Variants in EEF1AKMT1 observed in about 807,000 individuals in gnomAD.
EEF1AKMT1 encodes N-6 adenine-specific DNA methyltransferase 2 (putative).
EEF1AKMT1 carries 18 observed loss-of-function variants against 21.0 expected under a neutral mutation model. The observed-to-expected ratio is 0.86, with a 90% CI of 0.59 to 1.27. The LOEUF is 1.27. Among genes scored for constraint, EEF1AKMT1 ranks in the 50% most tolerant of loss-of-function variants. The probability of loss-of-function intolerance (pLI) is 0.00; values close to 1 mark genes in which losing one functional copy is unlikely to be tolerated. For missense variants in EEF1AKMT1, 246 were observed against 258.6 expected, an observed-to-expected ratio of 0.95 and a Z score of 0.33; for synonymous variants, 109 against 94.8, an observed-to-expected ratio of 1.15 and a Z score of -0.87.
In EEF1AKMT1 at chr13:20,739,339, C is replaced by G. The variant is rs376102799; in HGVS notation, c.145-1534G>C. Among the ~76,000 whole-genome samples, 36 of 152,302 alleles carry G rather than the reference C, an allele frequency of 2.4e-4. No individual in the cohort carries two copies. The East Asian group carries it at 4.6e-3, about 20-fold the overall frequency. On this transcript the variant is annotated intron_variant, in intron 2 of 4. Transcript: ENST00000382758. ...AAACCTTCCACAGCATGGAAGGCAA[C>G]CCAAGAGGGTTGCCGCCGCTAAGCA...
intron 2 of EEF1AKMT1, among the ~76,000 whole-genome samples, chr13:20,755,411 A>G (rs1408859442): frequency 6.6e-6 from 1 of 152,210 alleles, no homozygotes; most frequent in African/African-American, 2.4e-5. Context: ...GCAGTTCCCT[A>G]TGTTTGCCTC....
Position 20,729,032 on chromosome 13 carries a change from AAG to A in EEF1AKMT1, c.*46_*47del, listed in dbSNP as rs1199248853. On this transcript the variant is annotated 3_prime_UTR_variant, in exon 5 of 5. Coordinates refer to ENST00000382758, the MANE Select transcript of EEF1AKMT1 (RefSeq NM_001318939.2). Reference sequence around the variant, plus strand: ...TTTAAATCTACTACGAAAATACAAAAAGAGGAATGTGACAGGGTTCCTTCCTG... The same window carrying A: ...TTTAAATCTACTACGAAAATACAAAAAGGAATGTGACAGGGTTCCTTCCTG... 1 of 1,609,072 alleles carries A rather than the reference AAG, an allele frequency of 6.2e-7. No homozygotes were observed.
intron 2 of EEF1AKMT1, among the ~76,000 whole-genome samples, chr13:20,748,477 A>G (rs1390895604): frequency 6.6e-6 from 1 of 151,914 alleles, no homozygotes; most frequent in Non-Finnish European, 1.5e-5. Flanking sequence ...CTTATAAAGA[A>G]AAACAATAGT....
At chr13:20,758,614 G>A (rs2058983276) in intron 1 of EEF1AKMT1, among the ~76,000 whole-genome samples, 1 of 152,060 alleles carries the variant, frequency 6.6e-6, no homozygotes, top group Admixed American at 6.5e-5. Context: ...GCAATCTACA[G>A]ATTCAATACA....
intron 2 of EEF1AKMT1, among the ~76,000 whole-genome samples, chr13:20,744,793 C>T (rs1427062650): frequency 7.7e-6 from 1 of 130,268 alleles, no homozygotes; most frequent in Non-Finnish European, 1.7e-5. Context: ...CCTAGGTTTT[C>T]CTCTAGGGTT....
chr13:20,735,677 C>A (rs1480453476), intron 3 of EEF1AKMT1, among the ~76,000 whole-genome samples: 1 of 152,160 alleles, frequency 6.6e-6, no homozygotes, highest in African/African-American at 2.4e-5. Flanking sequence ...AGTGCCCCAC[C>A]CTTCAATGTC....
In EEF1AKMT1 at chr13:20,737,763, G is replaced by A. The variant is rs1566528494; in HGVS notation, c.187C>T (p.Leu63=). ...FWYSQETALQ[L]AQEAIAAVGE... is the part of the protein sequence containing the mutation. ...ACAGCTGCAATTGCCTCCTGTGCCA[G>A]CTGCAGAGCAGTTTCCTGACTATAC... is the stretch of plus-strand genomic sequence containing the variant. The change falls in exon 3 of 5, where the codon CTG becomes TTG. Residue 63 remains leucine, a synonymous_variant. Coordinates refer to ENST00000382758, the MANE Select transcript of EEF1AKMT1 (RefSeq NM_001318939.2). 2 of 1,613,036 alleles carry A rather than the reference G, an allele frequency of 1.2e-6. No homozygotes were observed.
intron 1 of EEF1AKMT1, among the ~76,000 whole-genome samples, chr13:20,760,855 G>T (rs1269381975): frequency 6.6e-6 from 1 of 152,106 alleles, no homozygotes; most frequent in Non-Finnish European, 1.5e-5. Flanking sequence ...TTTTGGAAAA[G>T]AATCTGATAA....
At chr13:20,750,805 C>G (rs113508826) in intron 2 of EEF1AKMT1, among the ~76,000 whole-genome samples, 1 of 152,298 alleles carries the variant, frequency 6.6e-6, no homozygotes, top group South Asian at 2.1e-4. Context: ...TTCCCACCAA[C>G]GGTGTATAAG....
chr13:20,768,806 G>A (rs1026986642), intron 1 of EEF1AKMT1: 6 of 152,280 alleles, frequency 3.9e-5, no homozygotes, highest in African/African-American at 1.4e-4. Flanking sequence ...CCCCTGACAA[G>A]CAGCTATGCA....
At chr13:20,733,144 G>A (rs1239485069) in intron 3 of EEF1AKMT1, among the ~76,000 whole-genome samples, 1 of 144,438 alleles carries the variant, frequency 6.9e-6, no homozygotes, top group African/African-American at 2.6e-5. Flanking sequence ...TGCCCAGGCT[G>A]GAGTGCAGTG....
chr13:20,763,596 G>A (rs1326254127), intron 1 of EEF1AKMT1, among the ~76,000 whole-genome samples: 1 of 151,978 alleles, frequency 6.6e-6, no homozygotes, highest in African/African-American at 2.4e-5. Flanking sequence ...GGGATTACAG[G>A]TGCCTACCAC....
chr13:20,739,881 A>C (rs2141417605), intron 2 of EEF1AKMT1, among the ~76,000 whole-genome samples: 1 of 152,396 alleles, frequency 6.6e-6, no homozygotes, highest in Non-Finnish European at 1.5e-5. Context: ...TAGTGGATCC[A>C]GCACTGGGGC....
At chr13:20,750,899 C>T (rs2058936553) in intron 2 of EEF1AKMT1, among the ~76,000 whole-genome samples, 1 of 152,184 alleles carries the variant, frequency 6.6e-6, no homozygotes, top group African/African-American at 2.4e-5. Context: ...CATTACATCT[C>T]ACTGTGGTTT....
chr13:20,737,979 C>T (rs192177615), intron 2 of EEF1AKMT1, among the ~76,000 whole-genome samples, 174 bp from the exon 3 acceptor site: 6 of 152,012 alleles, frequency 3.9e-5, no homozygotes, highest in East Asian at 1.9e-4. Flanking sequence ...AATTTTTCTT[C>T]GAAATTACTT....
At chr13:20,740,587 G>A (rs1416871709) in intron 2 of EEF1AKMT1, among the ~76,000 whole-genome samples, 1 of 152,206 alleles carries the variant, frequency 6.6e-6, no homozygotes, top group Non-Finnish European at 1.5e-5. Context: ...GGAGGGTCCT[G>A]AGGCCAGGAG....
At chr13:20,764,204 C>T (rs6490618) in intron 1 of EEF1AKMT1, among the ~76,000 whole-genome samples, 64,381 of 151,892 alleles carry the variant, frequency 0.42, 14,893 homozygotes, top group East Asian at 0.76. Flanking sequence ...TTTAAGTGTT[C>T]AGTGCTTTAA....
chr13:20,730,363 A>G (rs892404851), intron 4 of EEF1AKMT1, among the ~76,000 whole-genome samples: 8 of 152,188 alleles, frequency 5.3e-5, no homozygotes, highest in Non-Finnish European at 1.2e-4. Flanking sequence ...CTCCTGGCCC[A>G]GCCCTGTTCC....
At chr13:20,739,529 C>T (rs1043345998) in intron 2 of EEF1AKMT1, among the ~76,000 whole-genome samples, 2 of 152,090 alleles carry the variant, frequency 1.3e-5, no homozygotes, top group Non-Finnish European at 2.9e-5. Flanking sequence ...ATTTACAAAC[C>T]TTGAGCTAGA....
Sources: allele counts gnomAD v4.1 joint callset (sites outside exome capture counted in the v4.1 genomes callset), GRCh38; gene constraint gnomAD v4.1.1; transcripts MANE v1.5; gene names NCBI Gene and HGNC (gene_info 2026-07-23, HGNC 2026-07-21).